ZBTB7C: variants seen among roughly 807,000 people sequenced by gnomAD.
ZBTB7C encodes zinc finger and BTB domain containing 7C.
ZBTB7C carries 8 observed loss-of-function variants against 25.7 expected under a neutral mutation model. The observed-to-expected ratio is 0.31, with a 90% CI of 0.18 to 0.56. The LOEUF (loss-of-function observed/expected upper bound fraction) is 0.56, where lower values mean the gene tolerates loss of function less well. Ranked by LOEUF, ZBTB7C falls within the 20% of genes least tolerant of loss-of-function variation. ZBTB7C has a pLI of 0.91. For synonymous variants in ZBTB7C, 394 were observed against 369.0 expected (o/e 1.07, Z -0.78); for missense variants, 824 against 855.2 (o/e 0.96, Z 0.46).
At chr18:48,294,994 G>A (rs895527419) in intron 2 of ZBTB7C, among the ~76,000 whole-genome samples, 4 of 152,006 alleles carry the variant, frequency 2.6e-5, no homozygotes, top group Non-Finnish European at 5.9e-5. Flanking sequence ...TTCCCTGCTT[G>A]GGGCATCCTG....
At chr18:48,202,016 G>A (rs1296494641) in intron 2 of ZBTB7C, among the ~76,000 whole-genome samples, 1 of 152,222 alleles carries the variant, frequency 6.6e-6, no homozygotes, top group Non-Finnish European at 1.5e-5. Context: ...AGGCGAACTG[G>A]CTTGCTGAAG....
intron 2 of ZBTB7C, among the ~76,000 whole-genome samples, chr18:48,287,647 T>C (rs908292625): frequency 7.9e-5 from 12 of 152,158 alleles, no homozygotes; most frequent in African/African-American, 2.7e-4. Context: ...TGAATAAAGA[T>C]GCAAAAATGG....
At chr18:48,165,412 T>G (rs2041210239) in intron 3 of ZBTB7C, 1 of 334,940 alleles carries the variant, frequency 3.0e-6, no homozygotes, top group East Asian at 8.4e-5. Flanking sequence ...AGTCCTCCTC[T>G]GTATTCAGAG....
intron 3 of ZBTB7C, among the ~76,000 whole-genome samples, chr18:48,066,636 T>C (rs2037340299): frequency 6.6e-6 from 1 of 152,170 alleles, no homozygotes; most frequent in Non-Finnish European, 1.5e-5. Context: ...AGTCAATTTA[T>C]AGCTTCCCCC....
chr18:48,172,499 C>T (rs991598292), intron 3 of ZBTB7C, among the ~76,000 whole-genome samples: 2 of 152,070 alleles, frequency 1.3e-5, no homozygotes, highest in East Asian at 1.9e-4. Context: ...CTGGGAGATT[C>T]GGGTGACCTC....
At chr18:48,165,273 C>G (rs1458989406) in intron 3 of ZBTB7C, 1 of 494,028 alleles carries the variant, frequency 2.0e-6, no homozygotes, top group South Asian at 1.5e-5. Flanking sequence ...AGAAATGTTA[C>G]TGATTATTCC....
intron 4 of ZBTB7C, among the ~76,000 whole-genome samples, chr18:48,031,745 A>T (rs1256980813): frequency 6.6e-6 from 1 of 152,194 alleles, no homozygotes; most frequent in Non-Finnish European, 1.5e-5. Flanking sequence ...ACTGAGAACC[A>T]CCGGTCTAGG....
At position 48,029,526 on chromosome 18, in the gene ZBTB7C, T is replaced by C. The variant is rs1598737481; in HGVS notation, c.1594A>G (p.Lys532Glu). The change falls in exon 5 of 5, where the codon AAG becomes GAG. Residue 532 changes from lysine to glutamate, a missense_variant. Lys to Glu is a moderately conservative substitution (Grantham distance 56, BLOSUM62 1). Transcript: ENST00000590800. ...CCCTTGGGCGCTGCCAGGAAGTGCT[T>C]GGCGGGGCTGGGGCCCGGGAGGCAC... ...AVCLPGPSPAKHFLAAPKGAL... is the reference protein window; with the variant it reads ...AVCLPGPSPAEHFLAAPKGAL... The C allele has an allele frequency of 6.3e-7, 1 of 1,576,792 alleles. No individual in the cohort carries two copies. Among genetic ancestry groups the C allele is most frequent in the Non-Finnish European group, 8.5e-7 (1 of 1,170,092 alleles).
chr18:48,087,019 A>G (rs973627674), intron 3 of ZBTB7C, among the ~76,000 whole-genome samples: 7 of 152,170 alleles, frequency 4.6e-5, no homozygotes, highest in Non-Finnish European at 1.0e-4. Context: ...AAGTAACTAT[A>G]ATGATCCTCA....
intron 3 of ZBTB7C, among the ~76,000 whole-genome samples, chr18:48,170,543 G>A (rs2041437869): frequency 6.6e-6 from 1 of 152,212 alleles, no homozygotes; most frequent in Admixed American, 6.5e-5. Flanking sequence ...TCAGGGATGA[G>A]CATTTTCAGA....
chr18:48,263,445 G>A (rs62086462), intron 2 of ZBTB7C, among the ~76,000 whole-genome samples: 7,749 of 152,336 alleles, frequency 0.051, 274 homozygotes, highest in Non-Finnish European at 0.076. Context: ...AGACATCAGA[G>A]TTAAGGATTA....
chr18:48,059,819 C>T (rs1482574518), intron 3 of ZBTB7C, among the ~76,000 whole-genome samples: 2 of 152,210 alleles, frequency 1.3e-5, no homozygotes, highest in Non-Finnish European at 2.9e-5. Flanking sequence ...GAAAACAGCC[C>T]CTGCCCCAGT....
chr18:48,366,415 T>C (rs1234307865), intron 1 of ZBTB7C, among the ~76,000 whole-genome samples: 2 of 152,208 alleles, frequency 1.3e-5, no homozygotes, highest in Admixed American at 6.5e-5. Flanking sequence ...AGCCCAGATA[T>C]CATTTTTTAA....
intron 2 of ZBTB7C, among the ~76,000 whole-genome samples, chr18:48,276,228 T>C (rs190212487): frequency 3.5e-4 from 53 of 152,018 alleles, no homozygotes; most frequent in African/African-American, 1.3e-3. Context: ...TTTCCAGCTC[T>C]GTAAATAGCT....
intron 3 of ZBTB7C, among the ~76,000 whole-genome samples, chr18:48,135,588 C>T (rs531778045): frequency 2.9e-4 from 44 of 152,138 alleles, no homozygotes; most frequent in African/African-American, 1.0e-3. Context: ...GGGGGAGGAC[C>T]GGCACTGGGG....
At chr18:48,370,995 G>A (rs774767474) in intron 1 of ZBTB7C, among the ~76,000 whole-genome samples, 9 of 152,148 alleles carry the variant, frequency 5.9e-5, no homozygotes, top group Non-Finnish European at 1.2e-4. Flanking sequence ...GGTGATTCAA[G>A]ACACATTACT....
At chr18:48,315,112 T>C (rs2045919172) in intron 2 of ZBTB7C, among the ~76,000 whole-genome samples, 1 of 152,162 alleles carries the variant, frequency 6.6e-6, no homozygotes, top group Non-Finnish European at 1.5e-5. Context: ...GGACAAAATG[T>C]GTGTGATTTC....
chr18:48,197,135 GGCCTGGAGCTGCTACA>G (rs753094977), intron 2 of ZBTB7C, among the ~76,000 whole-genome samples: 35 of 152,310 alleles, frequency 2.3e-4, no homozygotes, highest in South Asian at 1.2e-3. Flanking sequence ...GTGCATGCAA[GGCCTGGAGCTGCTACA>G]GCCATTTTGT....
At chr18:48,397,772 T>TTA (rs1171945382) in intron 1 of ZBTB7C, among the ~76,000 whole-genome samples, 8 of 152,338 alleles carry the variant, frequency 5.3e-5, no homozygotes, top group African/African-American at 1.7e-4. Flanking sequence ...CAGCATAAGC[T>TTA]TATATATGTC....
Sources: allele counts gnomAD v4.1 joint callset (sites outside exome capture counted in the v4.1 genomes callset), GRCh38; gene constraint gnomAD v4.1.1; transcripts MANE v1.5; gene names NCBI Gene and HGNC (gene_info 2026-07-23, HGNC 2026-07-21).